Variants in UBE2G1 observed in about 807,000 individuals in gnomAD.
UBE2G1 encodes ubiquitin-conjugating enzyme E2 G1.
In UBE2G1, 5 loss-of-function variants were observed where a neutral mutation model predicts 22.7. The ratio of observed to expected loss-of-function variants is 0.22; its 90% CI spans 0.12 to 0.46. The LOEUF is 0.46. Among genes scored for constraint, UBE2G1 ranks in the 20% least tolerant of loss-of-function variants. UBE2G1 has a pLI of 0.99. For synonymous variants in UBE2G1, 74 were observed against 67.5 expected (o/e 1.10, Z -0.47); for missense variants, 88 against 203.9 (o/e 0.43, Z 3.46).
chr17:4,287,893 G>A (rs1968986060), intron 4 of UBE2G1, among the ~76,000 whole-genome samples: 1 of 152,046 alleles, frequency 6.6e-6, no homozygotes, highest in Middle Eastern at 3.2e-3. Flanking sequence ...AAAACTGCAG[G>A]ATAGGGGCGT....
At position 4,347,988 on chromosome 17, in the gene UBE2G1, T is replaced by C. The variant is rs1365691800; in HGVS notation, c.46+18283A>G. 4.6e-5 allele frequency among the ~76,000 whole-genome samples: 7 copies of C among 152,176 alleles called. No homozygotes were observed. In the South Asian group the frequency reaches 1.2e-3, roughly 27 times the overall value. ...TCCCAATTATCCTGAGACACAACAA[T>C]ACTGAAATTAAGTCAAATAATAACC... On this transcript the variant is annotated intron_variant, in intron 1 of 5. Transcript: ENST00000396981.
chr17:4,279,479 T>C (rs1457303016), intron 5 of UBE2G1, among the ~76,000 whole-genome samples: 1 of 152,042 alleles, frequency 6.6e-6, no homozygotes, highest in African/African-American at 2.4e-5. Context: ...CAAAAATCAA[T>C]TTCAATGGAT....
chr17:4,313,119 A>G (rs1270425435), intron 1 of UBE2G1, among the ~76,000 whole-genome samples: 1 of 152,260 alleles, frequency 6.6e-6, no homozygotes, highest in Non-Finnish European at 1.5e-5. Flanking sequence ...ATCCAAATCC[A>G]GACAGATTAC....
At position 4,346,139 on chromosome 17, in the gene UBE2G1, C is replaced by CAATTTT. The variant is rs1355838555; in HGVS notation, c.46+20126_46+20131dup. Among the ~76,000 whole-genome samples, 3 of 152,110 alleles carry CAATTTT rather than the reference C, an allele frequency of 2.0e-5. No homozygotes were observed. The East Asian group carries it at 5.8e-4, about 29-fold the overall frequency. On this transcript the variant is annotated intron_variant, in intron 1 of 5. Transcript: ENST00000396981. ...GATTTACAACCAGTAATCTGAAGAC[C>CAATTTT]AATTTTAACTCATACTTTCTACCTT...
At chr17:4,331,338 A>G (rs547117443) in intron 1 of UBE2G1, among the ~76,000 whole-genome samples, 2 of 152,376 alleles carry the variant, frequency 1.3e-5, no homozygotes, top group South Asian at 4.1e-4. Flanking sequence ...AGTGGTTTAC[A>G]ACTATAATTT....
intron 2 of UBE2G1, among the ~76,000 whole-genome samples, chr17:4,297,923 G>A (rs555078758): frequency 1.5e-4 from 23 of 152,250 alleles, no homozygotes; most frequent in Admixed American, 1.5e-3. Flanking sequence ...TCATTAAATG[G>A]TTTTCATTCA....
intron 4 of UBE2G1, 27 bp downstream of exon 4, chr17:4,289,198 TGAAGG>T: frequency 6.8e-7 from 1 of 1,475,958 alleles, no homozygotes; most frequent in Non-Finnish European, 9.0e-7. Context: ...CAAGGGAAAG[TGAAGG>T]GAAGGGAAGA....
intron 1 of UBE2G1, among the ~76,000 whole-genome samples, chr17:4,308,767 T>C (rs1969275923): frequency 6.6e-6 from 1 of 152,206 alleles, no homozygotes. Context: ...AATTCTCGTA[T>C]ACTACCTGCC....
intron 1 of UBE2G1, among the ~76,000 whole-genome samples, chr17:4,309,052 G>C (rs146291325): frequency 6.6e-6 from 1 of 152,298 alleles, no homozygotes; most frequent in East Asian, 1.9e-4. Flanking sequence ...TTGAGGTCAG[G>C]AGTTCAAGAC....
Position 4,366,376 on chromosome 17 carries a change from G to A in UBE2G1, c.-60C>T. 2.1e-6 allele frequency: 3 copies of A among 1,424,314 alleles called. No individual in the cohort carries two copies. Among genetic ancestry groups the A allele is most frequent in the Non-Finnish European group, 9.1e-7 (1 of 1,093,282 alleles). 88.2% of individuals were successfully genotyped at this position (1,424,314 alleles called of 1,614,324 possible). A position where few individuals can be genotyped will look rare whatever the true frequency, so the allele number is the denominator to read the frequency against. ...TTCCGAAGGGCTGGGGACAGGCTCT[G>A]GGGGCGGCTGGAGCGGGGTGTGCCG... On this transcript the variant is annotated 5_prime_UTR_variant, in exon 1 of 6. Transcript: ENST00000396981.
chr17:4,332,716 C>G (rs1969593462), intron 1 of UBE2G1, among the ~76,000 whole-genome samples: 3 of 152,226 alleles, frequency 2.0e-5, no homozygotes, highest in African/African-American at 7.2e-5. Context: ...CTCCAACCTT[C>G]AGCTAACCGC....
chr17:4,320,844 G>A (rs563549443), intron 1 of UBE2G1, among the ~76,000 whole-genome samples: 18 of 151,830 alleles, frequency 1.2e-4, no homozygotes, highest in South Asian at 6.2e-4. Flanking sequence ...TAGATAACTC[G>A]TTCCCACCAC....
chr17:4,327,599 A>G (rs1020590225), intron 1 of UBE2G1, among the ~76,000 whole-genome samples: 2 of 152,188 alleles, frequency 1.3e-5, no homozygotes, highest in African/African-American at 4.8e-5. Flanking sequence ...GTGTTTGTTT[A>G]TTAAGACTTA....
intron 4 of UBE2G1, among the ~76,000 whole-genome samples, chr17:4,286,280 C>A (rs969939421): frequency 2.6e-5 from 4 of 151,740 alleles, no homozygotes; most frequent in African/African-American, 9.7e-5. Context: ...TGGCAGATGC[C>A]TGTAATCCCA....
rs190762228 is a variant in UBE2G1, at chr17:4,275,860, A to G, written c.*38-3344T>C. Among the ~76,000 whole-genome samples, 7 of 152,272 alleles carry G rather than the reference A, an allele frequency of 4.6e-5. No individual in the cohort carries two copies. The East Asian group carries it at 1.4e-3, about 29-fold the overall frequency. ...CTCCTGCTCCGTCACCAATCCGCTGACTTTTTCCCCCACACTGGGACCGTG... is the reference window on the plus strand; with the variant it reads ...CTCCTGCTCCGTCACCAATCCGCTGGCTTTTTCCCCCACACTGGGACCGTG... On this transcript the variant is annotated intron_variant, in intron 5 of 5. Transcript: ENST00000396981.
intron 1 of UBE2G1, among the ~76,000 whole-genome samples, chr17:4,349,591 C>T (rs993748615): frequency 1.3e-5 from 2 of 152,080 alleles, no homozygotes; most frequent in East Asian, 1.9e-4. Flanking sequence ...CGCCTGTAAT[C>T]CCAGCAGCTT....
At chr17:4,325,063 C>T (rs1307187311) in intron 1 of UBE2G1, among the ~76,000 whole-genome samples, 6 of 151,160 alleles carry the variant, frequency 4.0e-5, no homozygotes, top group African/African-American at 7.3e-5. Flanking sequence ...GGGGACAGAG[C>T]GAGACTCCGT....
intron 1 of UBE2G1, chr17:4,335,201 T>C (rs897786716): frequency 5.9e-5 from 9 of 152,176 alleles, no homozygotes; most frequent in African/African-American, 2.2e-4. Context: ...GCAGTTTGAA[T>C]GGCTTACCAT....
rs1171357468 is a variant in UBE2G1, at chr17:4,366,424, G to C, written c.-108C>G. On this transcript the variant is annotated 5_prime_UTR_variant, in exon 1 of 6. Coordinates refer to ENST00000396981, the MANE Select transcript of UBE2G1 (RefSeq NM_003342.5). ...CCGAGGAACCCGGGCCCCGCGACCG[G>C]AGCGCCGGAGCCGAGGAAGGCCGGG... 4 of 1,169,378 alleles carry C rather than the reference G, an allele frequency of 3.4e-6. No individual in the cohort carries two copies. The African/African-American group carries it at 4.8e-5, about 14-fold the overall frequency. The allele number at this position is 1,169,378 out of a possible 1,614,324, so 72.4% of individuals were successfully genotyped here.
Sources: allele counts gnomAD v4.1 joint callset (sites outside exome capture counted in the v4.1 genomes callset), GRCh38; gene constraint gnomAD v4.1.1; transcripts MANE v1.5; gene names NCBI Gene and HGNC (gene_info 2026-07-23, HGNC 2026-07-21).